Variants in ME3 observed in about 807,000 individuals in gnomAD.
The protein encoded by ME3 is malic enzyme 3.
In ME3, 48 loss-of-function variants were observed where a neutral mutation model predicts 68.9. The ratio of observed to expected loss-of-function variants is 0.70; its 90% CI spans 0.55 to 0.89. The LOEUF (loss-of-function observed/expected upper bound fraction) is 0.89. ME3 is among the 40% of genes least tolerant of loss of function. The pLI, the probability that ME3 is intolerant of heterozygous loss-of-function variation, is 0.00. For missense variants in ME3, 675 were observed against 797.4 expected (o/e 0.85, Z 1.85); for synonymous variants, 320 against 318.8 (o/e 1.00, Z -0.04).
intron 2 of ME3, among the ~76,000 whole-genome samples, chr11:86,574,339 C>T (rs866391676): frequency 1.4e-5 from 2 of 140,714 alleles, no homozygotes; most frequent in Non-Finnish European, 1.5e-5. Flanking sequence ...CTCATCTTCC[C>T]GGATTTATCT....
At chr11:86,597,690 T>C (rs1959752709) in intron 2 of ME3, among the ~76,000 whole-genome samples, 1 of 152,156 alleles carries the variant, frequency 6.6e-6, no homozygotes, top group Non-Finnish European at 1.5e-5. Flanking sequence ...CTTTAAAATA[T>C]TTGAAGAGAT....
At position 86,520,220 on chromosome 11, in the gene ME3, G is replaced by A. The variant is rs555204088; in HGVS notation, c.468-11353C>T. Among the ~76,000 whole-genome samples, 21 of 152,252 alleles carry A rather than the reference G, an allele frequency of 1.4e-4. No homozygotes were observed. The South Asian group carries it at 4.4e-3, about 32-fold the overall frequency. ...CCTGACTTTAGAGCCCAGGTGTAAAGGTGTGGACCCTGACATCTGTCCATG... is the reference window on the plus strand; with the variant it reads ...CCTGACTTTAGAGCCCAGGTGTAAAAGTGTGGACCCTGACATCTGTCCATG... On this transcript the variant is annotated intron_variant, in intron 4 of 14. Coordinates refer to ENST00000543262, the Ensembl canonical transcript of ME3.
chr11:86,604,446 G>GA (rs1324476502), intron 2 of ME3, among the ~76,000 whole-genome samples: 3 of 151,312 alleles, frequency 2.0e-5, no homozygotes, highest in South Asian at 2.1e-4. Flanking sequence ...TCTCTTACAA[G>GA]AAAAAAAAGA....
At chr11:86,617,044 A>AATTTT (rs1943006030) in intron 2 of ME3, among the ~76,000 whole-genome samples, 1 of 43,846 alleles carries the variant, frequency 2.3e-5, no homozygotes, top group South Asian at 1.1e-3. Context: ...CCAAGATAGT[A>AATTTT]GTTTTTTTTT....
At chr11:86,495,826 T>C (rs1952290447) in intron 6 of ME3, among the ~76,000 whole-genome samples, 1 of 152,138 alleles carries the variant, frequency 6.6e-6, no homozygotes, top group Non-Finnish European at 1.5e-5. Context: ...TGGTCTAGTC[T>C]CTCAATATAC....
Position 86,559,260 on chromosome 11 carries a change from G to A in ME3, c.317+430C>T, listed in dbSNP as rs987282769. ...TGTCCATTTCCCTCTCCCCCACCAC[G>A]TCCCCCTAATTCCAGGAACCCAAGC... is the stretch of plus-strand genomic sequence containing the variant. On this transcript the variant is annotated intron_variant, in intron 3 of 14. Transcript: ENST00000543262. Among the ~76,000 whole-genome samples, 14 of 147,956 alleles carry A rather than the reference G, an allele frequency of 9.5e-5. No individual in the cohort carries two copies. In the South Asian group the frequency reaches 1.1e-3, roughly 11 times the overall value.
chr11:86,527,100 G>T (rs1022461593), intron 4 of ME3, among the ~76,000 whole-genome samples: 2 of 152,174 alleles, frequency 1.3e-5, no homozygotes, highest in East Asian at 1.9e-4. Context: ...CCATGGCAAA[G>T]AAGTTAAAAA....
At chr11:86,669,296 T>G (rs756045579) in intron 2 of ME3, among the ~76,000 whole-genome samples, 1 of 152,234 alleles carries the variant, frequency 6.6e-6, no homozygotes, top group African/African-American at 2.4e-5. Context: ...TTCAGGAATA[T>G]ATAAAAGATG....
At position 86,652,976 on chromosome 11, in the gene ME3, C is replaced by CA. The variant is rs560980431; in HGVS notation, c.183+18785dup. 2.5e-3 allele frequency among the ~76,000 whole-genome samples: 371 copies of CA among 149,470 alleles called. 1 individual carries two copies. Among genetic ancestry groups the CA allele is most frequent in the Non-Finnish European group, 4.5e-3 (301 of 67,562 alleles). On this transcript the variant is annotated intron_variant, in intron 2 of 14. Transcript: ENST00000543262. ...TCTGATAAAACAGACTTTAAACCAA[C>CA]AAAAATCAAAAGAGACAAAGAAGGC... is the stretch of plus-strand genomic sequence containing the variant.
chr11:86,516,476 C>T (rs1309803720), intron 4 of ME3, among the ~76,000 whole-genome samples: 1 of 152,144 alleles, frequency 6.6e-6, no homozygotes, highest in African/African-American at 2.4e-5. Context: ...CAACCTCTGC[C>T]TCCCAGATTC....
chr11:86,631,209 G>A (rs1943992505), intron 2 of ME3, among the ~76,000 whole-genome samples: 1 of 152,226 alleles, frequency 6.6e-6, no homozygotes. Context: ...AAGAGCTACA[G>A]CCAGTGAGTT....
At chr11:86,632,532 G>A (rs775809066) in intron 2 of ME3, among the ~76,000 whole-genome samples, 13 of 152,202 alleles carry the variant, frequency 8.5e-5, no homozygotes, top group Non-Finnish European at 1.6e-4. Context: ...TGACTGTATT[G>A]CTGAAGACCC....
intron 2 of ME3, among the ~76,000 whole-genome samples, chr11:86,599,307 G>A (rs1010337230): frequency 1.3e-5 from 2 of 152,196 alleles, no homozygotes; most frequent in African/African-American, 4.8e-5. Flanking sequence ...GAAGAAGGCA[G>A]AAGCCTCTGG....
intron 4 of ME3, among the ~76,000 whole-genome samples, chr11:86,542,698 G>A (rs759367032): frequency 6.6e-6 from 1 of 152,176 alleles, no homozygotes; most frequent in Non-Finnish European, 1.5e-5. Flanking sequence ...TGAAAGTGAC[G>A]AGGAGAATGG....
chr11:86,660,008 G>A (rs141105328), intron 2 of ME3, among the ~76,000 whole-genome samples: 1 of 152,136 alleles, frequency 6.6e-6, no homozygotes, highest in Non-Finnish European at 1.5e-5. Context: ...TTCAACACCA[G>A]CTTCAACTTC....
At position 86,562,212 on chromosome 11, in the gene ME3, G is replaced by A. The variant is rs148607190; in HGVS notation, c.184-2389C>T. Among the ~76,000 whole-genome samples, 100 of 152,140 alleles carry A rather than the reference G, an allele frequency of 6.6e-4. 1 individual carries two copies. The highest frequency in any genetic ancestry group is 2.4e-3 in the Admixed American group (37 of 15,270). On this transcript the variant is annotated intron_variant, in intron 2 of 14. Transcript: ENST00000543262. ...ACTGGCTTCTTTTACTTAGAAATAC[G>A]CACCTAGAGTTCATTCATGTATATT...
At chr11:86,444,590 A>G (rs1211898933) in intron 13 of ME3, among the ~76,000 whole-genome samples, 1 of 152,196 alleles carries the variant, frequency 6.6e-6, no homozygotes, top group Non-Finnish European at 1.5e-5. Context: ...GATCACATCT[A>G]AGACGGTAGG....
chr11:86,558,868 AC>A (rs1486047865), intron 3 of ME3, among the ~76,000 whole-genome samples: 4 of 152,172 alleles, frequency 2.6e-5, no homozygotes, highest in African/African-American at 9.7e-5. Flanking sequence ...ATGGGAAAAG[AC>A]CCATAGAGGC....
At chr11:86,509,941 G>A (rs1217890057) in intron 4 of ME3, among the ~76,000 whole-genome samples, 2 of 152,036 alleles carry the variant, frequency 1.3e-5, no homozygotes, top group Admixed American at 1.3e-4. Flanking sequence ...AGGGTACATT[G>A]AAGTCCATTG....
Sources: gnomAD v4.1 joint callset for allele counts (sites outside exome capture counted in the v4.1 genomes callset) on GRCh38, gnomAD v4.1.1 for gene constraint, MANE v1.5 for transcripts, NCBI Gene and HGNC (gene_info 2026-07-23, HGNC 2026-07-21) for gene names.